The following LRP1B variants were observed in gnomAD, a reference collection of about 807,000 sequenced individuals.
LRP1B encodes the protein LDL receptor related protein 1B.
In LRP1B, 217 loss-of-function variants were observed where a neutral mutation model predicts 556.6. The observed-to-expected ratio is 0.39, with a 90% CI of 0.35 to 0.44. The LOEUF (loss-of-function observed/expected upper bound fraction) is 0.44, where lower values mean the gene tolerates loss of function less well. Ranked by LOEUF, LRP1B falls within the 20% of genes least tolerant of loss-of-function variation. The pLI, the probability that LRP1B is intolerant of heterozygous loss-of-function variation, is 1.00. For missense variants in LRP1B, 5,053 were observed against 5,620.8 expected, an observed-to-expected ratio of 0.90 and a Z score of 3.23; for synonymous variants, 2,047 against 1,865.8, an observed-to-expected ratio of 1.10 and a Z score of -2.50.
intron 1 of LRP1B, among the ~76,000 whole-genome samples, chr2:141,900,583 C>A (rs1480417962): frequency 6.6e-6 from 1 of 151,962 alleles, no homozygotes; most frequent in Non-Finnish European, 1.5e-5. Flanking sequence ...CAGATGACCT[C>A]ATTTACTCAT....
At chr2:141,119,321 T>C (rs948282697) in intron 7 of LRP1B, among the ~76,000 whole-genome samples, 4 of 152,030 alleles carry the variant, frequency 2.6e-5, no homozygotes, top group South Asian at 4.1e-4. Flanking sequence ...CACAACGTTG[T>C]ACTGTATAAC....
chr2:140,773,502 G>T (rs917442721), intron 33 of LRP1B, among the ~76,000 whole-genome samples: 1 of 151,626 alleles, frequency 6.6e-6, no homozygotes, highest in Admixed American at 6.6e-5. Flanking sequence ...GAATGTGAGG[G>T]GTTACATAGC....
intron 3 of LRP1B, among the ~76,000 whole-genome samples, chr2:141,399,535 C>T (rs567045419): frequency 7.9e-5 from 12 of 152,288 alleles, no homozygotes; most frequent in African/African-American, 2.6e-4. Flanking sequence ...TCTTCTTTTT[C>T]CTTCCTCTGT....
chr2:141,811,034 G>A (rs1414273508), intron 1 of LRP1B, among the ~76,000 whole-genome samples: 1 of 150,144 alleles, frequency 6.7e-6, no homozygotes, highest in African/African-American at 2.5e-5. Context: ...TTCTACAGTT[G>A]TTTGTGACTA....
In LRP1B at chr2:141,873,526, G is replaced by C. The variant is rs535341687; in HGVS notation, c.83-63125C>G. The stretch of plus-strand genomic sequence containing the variant: ...AAACTGCAATGTTTAACTTGAGTCA[G>C]AGCTATTAGTATGACTTCATAATTA... On this transcript the variant is annotated intron_variant, in intron 1 of 90. Transcript: ENST00000389484. Among the ~76,000 whole-genome samples the C allele has an allele frequency of 3.9e-5, 6 of 152,096 alleles. No homozygotes were observed. In the East Asian group the frequency reaches 1.2e-3, roughly 29 times the overall value.
chr2:141,239,248 A>G (rs1683772420), intron 5 of LRP1B, among the ~76,000 whole-genome samples: 1 of 152,102 alleles, frequency 6.6e-6, no homozygotes, highest in South Asian at 2.1e-4. Context: ...TGTGCTTAAG[A>G]CCGATAGTCA....
intron 2 of LRP1B, among the ~76,000 whole-genome samples, chr2:141,534,849 GA>G (rs1685014699): frequency 6.6e-6 from 1 of 152,150 alleles, no homozygotes. Context: ...GGCTGAGAAA[GA>G]AAATCTATGA....
intron 18 of LRP1B, among the ~76,000 whole-genome samples, chr2:140,965,055 T>G (rs1288951236): frequency 6.6e-6 from 1 of 152,174 alleles, no homozygotes; most frequent in Non-Finnish European, 1.5e-5. Context: ...ACCATCAGGA[T>G]AAGGTTGCAC....
intron 3 of LRP1B, among the ~76,000 whole-genome samples, chr2:141,339,096 C>T (rs909518231): frequency 6.6e-6 from 1 of 152,102 alleles, no homozygotes; most frequent in Non-Finnish European, 1.5e-5. Context: ...AATCATGCTA[C>T]TTTCCAGAAT....
In LRP1B at chr2:140,983,335, T is replaced by C. The variant is rs544528326; in HGVS notation, c.2771-1059A>G. 2.0e-4 allele frequency among the ~76,000 whole-genome samples: 30 copies of C among 152,136 alleles called. No individual in the cohort carries two copies. In the South Asian group the frequency reaches 4.3e-3, roughly 22 times the overall value. On this transcript the variant is annotated intron_variant, in intron 17 of 90. Coordinates refer to ENST00000389484, the MANE Select transcript of LRP1B (RefSeq NM_018557.3). The stretch of plus-strand genomic sequence containing the variant: ...TGTGGATAGGTGAGGCTTGAACAGA[T>C]AGTGAATAATTGGGGTCGAAGTATC...
At chr2:141,860,928 T>C (rs897400803) in intron 1 of LRP1B, among the ~76,000 whole-genome samples, 2 of 152,186 alleles carry the variant, frequency 1.3e-5, no homozygotes, top group Non-Finnish European at 2.9e-5. Context: ...TGTATTTCCT[T>C]GGCAAATTCT....
At chr2:141,008,943 G>C (rs1424606871) in intron 14 of LRP1B, among the ~76,000 whole-genome samples, 4 of 151,890 alleles carry the variant, frequency 2.6e-5, no homozygotes, top group African/African-American at 9.7e-5. Flanking sequence ...AATGTTTTTA[G>C]ACCTTAGCAG....
intron 7 of LRP1B, among the ~76,000 whole-genome samples, chr2:141,081,048 G>T (rs1699909623): frequency 6.6e-6 from 1 of 152,142 alleles, no homozygotes; most frequent in African/African-American, 2.4e-5. Flanking sequence ...TCCCAGGCCA[G>T]TTGTGAACTC....
At chr2:140,345,711 T>C (rs1285940458) in intron 77 of LRP1B, among the ~76,000 whole-genome samples, 1 of 145,366 alleles carries the variant, frequency 6.9e-6, no homozygotes, top group African/African-American at 2.5e-5. Context: ...TCATAACTCA[T>C]ATATGTATAT....
At chr2:141,702,145 C>T (rs1691960352) in intron 2 of LRP1B, among the ~76,000 whole-genome samples, 1 of 151,670 alleles carries the variant, frequency 6.6e-6, no homozygotes, top group East Asian at 1.9e-4. Context: ...TTTAAGTGGG[C>T]GACACTGGGT....
chr2:140,319,675 A>G (rs1483880668), intron 82 of LRP1B, among the ~76,000 whole-genome samples: 2 of 152,148 alleles, frequency 1.3e-5, no homozygotes, highest in Non-Finnish European at 2.9e-5. Flanking sequence ...AATGGATACT[A>G]GGCTTAATAC....
chr2:140,466,629 A>T (rs1330453688), intron 60 of LRP1B, among the ~76,000 whole-genome samples: 2 of 152,222 alleles, frequency 1.3e-5, no homozygotes, highest in Non-Finnish European at 2.9e-5. Context: ...ATTACTGTTC[A>T]GAGAAAATTA....
chr2:140,547,094 G>A (rs1420307472), intron 43 of LRP1B, among the ~76,000 whole-genome samples: 1 of 152,112 alleles, frequency 6.6e-6, no homozygotes, highest in East Asian at 1.9e-4. Flanking sequence ...TGTTCATCAA[G>A]GATATTGGTC....
chr2:141,703,543 C>CA (rs1487486311), intron 2 of LRP1B, among the ~76,000 whole-genome samples: 13 of 151,934 alleles, frequency 8.6e-5, no homozygotes, highest in African/African-American at 2.9e-4. Context: ...GGATGTGTGC[C>CA]AAGGCACTTT....
Sources: gnomAD v4.1 joint callset for allele counts (sites outside exome capture counted in the v4.1 genomes callset) on GRCh38, gnomAD v4.1.1 for gene constraint, MANE v1.5 for transcripts, NCBI Gene and HGNC (gene_info 2026-07-23, HGNC 2026-07-21) for gene names.